Variants in EFCAB6 observed in about 807,000 individuals in gnomAD.
The protein encoded by EFCAB6 is EF-hand calcium-binding domain-containing protein 6.
In EFCAB6, 156 loss-of-function variants were observed where a neutral mutation model predicts 169.8. The ratio of observed to expected loss-of-function variants is 0.92; its 90% CI spans 0.81 to 1.05. EFCAB6 has a LOEUF of 1.05. Among genes scored for constraint, EFCAB6 ranks in the 50% least tolerant of loss-of-function variants. The pLI, the probability that EFCAB6 is intolerant of heterozygous loss-of-function variation, is 0.00. For missense variants in EFCAB6, 1,800 were observed against 1,829.1 expected (o/e 0.98, Z 0.29); for synonymous variants, 698 against 676.4 (o/e 1.03, Z -0.50).
chr22:43,622,476 G>C (rs188529934), intron 20 of EFCAB6, among the ~76,000 whole-genome samples: 7 of 152,264 alleles, frequency 4.6e-5, no homozygotes, highest in Admixed American at 2.0e-4. Flanking sequence ...TGAGGCAGGA[G>C]AATCGCTTGA....
At chr22:43,721,296 T>C (rs952055473) in intron 8 of EFCAB6, among the ~76,000 whole-genome samples, 9 of 152,174 alleles carry the variant, frequency 5.9e-5, no homozygotes, top group Non-Finnish European at 1.0e-4. Context: ...AAAATGGCCA[T>C]ACTGCCCAAA....
At position 43,543,975 on chromosome 22, in the gene EFCAB6, G is replaced by A. The variant is rs114962173; in HGVS notation, c.3649-3618C>T. Among the ~76,000 whole-genome samples, 934 of 151,350 alleles carry A rather than the reference G, an allele frequency of 6.2e-3. 15 individuals carry two copies. Among genetic ancestry groups the A allele is most frequent in the African/African-American group, 0.022 (893 of 41,218 alleles). On this transcript the variant is annotated intron_variant, in intron 27 of 31. Transcript: ENST00000262726. ...CCCTCCTCCTTGAGACCAGCTCTAC[G>A]TCCACCCACCACTCTGTTTTACCCT...
chr22:43,540,103 C>T, intron 28 of EFCAB6, 24 bp downstream of exon 28: 2 of 1,611,322 alleles, frequency 1.2e-6, no homozygotes, highest in South Asian at 1.1e-5. Flanking sequence ...AGGCCTGGGA[C>T]ACCTGGCAGG....
intron 2 of EFCAB6, among the ~76,000 whole-genome samples, chr22:43,801,546 A>G (rs192377198): frequency 3.3e-5 from 5 of 152,354 alleles, no homozygotes; most frequent in Admixed American, 3.3e-4. Context: ...TAGGTAATAT[A>G]AAAGTATGTA....
At chr22:43,631,348 T>C (rs2054927486) in intron 19 of EFCAB6, among the ~76,000 whole-genome samples, 1 of 151,958 alleles carries the variant, frequency 6.6e-6, no homozygotes. Context: ...GCCTCTATGT[T>C]TGAATGGCTG....
chr22:43,717,275 T>A (rs1032272045), intron 8 of EFCAB6, among the ~76,000 whole-genome samples: 14 of 151,848 alleles, frequency 9.2e-5, no homozygotes, highest in African/African-American at 3.4e-4. Context: ...TACTACATAA[T>A]CTTTGTGTGA....
intron 12 of EFCAB6, among the ~76,000 whole-genome samples, 166 bp from the exon 13 acceptor site, chr22:43,678,329 CTGTGTG>C (rs137787): frequency 0.069 from 9,953 of 144,292 alleles, 386 homozygotes; most frequent in African/African-American, 0.11. Context: ...AACATGAGCA[CTGTGTG>C]TGTGTGTGTG....
intron 27 of EFCAB6, among the ~76,000 whole-genome samples, chr22:43,545,491 G>T (rs565161589): frequency 6.6e-6 from 1 of 152,210 alleles, no homozygotes; most frequent in Non-Finnish European, 1.5e-5. Context: ...AAGGGCCAAG[G>T]AAAGCTGCTA....
At chr22:43,555,627 C>T (rs571730130) in intron 26 of EFCAB6, among the ~76,000 whole-genome samples, 5 of 152,312 alleles carry the variant, frequency 3.3e-5, no homozygotes, top group African/African-American at 1.2e-4. Context: ...CTTTGTGAGA[C>T]CCACAGGGAC....
intron 17 of EFCAB6, among the ~76,000 whole-genome samples, chr22:43,663,053 A>G (rs554907141): frequency 5.9e-5 from 9 of 152,240 alleles, no homozygotes; most frequent in Non-Finnish European, 4.4e-5. Context: ...GCTTCCTGTG[A>G]GGAGCAGAAA....
At chr22:43,680,137 G>C (rs913867913) in intron 12 of EFCAB6, among the ~76,000 whole-genome samples, 1 of 152,164 alleles carries the variant, frequency 6.6e-6, no homozygotes, top group African/African-American at 2.4e-5. Flanking sequence ...TTTGTGTATG[G>C]TGTAAGAGGT....
chr22:43,683,859 C>T lies in EFCAB6; in HGVS notation c.1143-4G>A, dbSNP rs1369442392. On this transcript the variant is annotated splice_region_variant and splice_polypyrimidine_tract_variant and intron_variant, in intron 11 of 31. Coordinates refer to ENST00000262726, the MANE Select transcript of EFCAB6 (RefSeq NM_022785.4). ...AGATTCATTTCTAGAGTTGATGCTACAAGAGGATTAGGAGAAAAGCAGGAA... is the reference window on the plus strand; with the variant it reads ...AGATTCATTTCTAGAGTTGATGCTATAAGAGGATTAGGAGAAAAGCAGGAA... The T allele has an allele frequency of 8.8e-6, 14 of 1,597,082 alleles. No individual in the cohort carries two copies. The African/African-American group carries it at 1.5e-4, about 17-fold the overall frequency.
At chr22:43,722,509 G>A (rs2059571682) in intron 8 of EFCAB6, among the ~76,000 whole-genome samples, 1 of 140,884 alleles carries the variant, frequency 7.1e-6, no homozygotes, top group Admixed American at 7.5e-5. Flanking sequence ...CCAGCCTGAT[G>A]AAAGAGTGAG....
intron 24 of EFCAB6, among the ~76,000 whole-genome samples, chr22:43,587,079 T>C (rs1194011678): frequency 6.6e-6 from 1 of 152,108 alleles, no homozygotes; most frequent in East Asian, 1.9e-4. Flanking sequence ...ACTGATGATA[T>C]CAGGTATATC....
chr22:43,632,557 C>T lies in EFCAB6; in HGVS notation c.2099-319G>A, dbSNP rs1173869887. ...TCAGGTGATCCGCCCGCCTCAGCCT[C>T]CCAAAGTGCTGGGATTATAGGCGTG... On this transcript the variant is annotated intron_variant, in intron 18 of 31. Coordinates refer to ENST00000262726, the MANE Select transcript of EFCAB6 (RefSeq NM_022785.4). Among the ~76,000 whole-genome samples the T allele has an allele frequency of 2.0e-5, 3 of 152,344 alleles. No homozygotes were observed. The South Asian group carries it at 6.2e-4, about 32-fold the overall frequency.
intron 13 of EFCAB6, among the ~76,000 whole-genome samples, chr22:43,675,423 A>AATATAATATAGGATTTATAAT (rs1452701331): frequency 8.0e-6 from 1 of 124,454 alleles, no homozygotes; most frequent in African/African-American, 2.9e-5. Context: ...TATAATATAT[A>AATATAATATAGGATTTATAAT]ATATAATATA....
chr22:43,771,064 TAC>T (rs2061453867), intron 4 of EFCAB6, among the ~76,000 whole-genome samples: 1 of 152,194 alleles, frequency 6.6e-6, no homozygotes, highest in Non-Finnish European at 1.5e-5. Context: ...TGGGTTGTAG[TAC>T]ACAGCAAATT....
chr22:43,700,806 T>C (rs1173105225), intron 10 of EFCAB6, among the ~76,000 whole-genome samples: 1 of 152,222 alleles, frequency 6.6e-6, no homozygotes, highest in Non-Finnish European at 1.5e-5. Context: ...GGCTTATTCC[T>C]TTTTATTGAT....
At position 43,557,162 on chromosome 22, in the gene EFCAB6, G is replaced by A. The variant is rs369548388; in HGVS notation, c.3421-2066C>T. ...CTGAGTCTAGACTCTGCCCCTACCC[G>A]GCTGTGTGCCCCTCCAGTAAGTTGC... On this transcript the variant is annotated intron_variant, in intron 26 of 31. Coordinates refer to ENST00000262726, the MANE Select transcript of EFCAB6 (RefSeq NM_022785.4). Among the ~76,000 whole-genome samples, 8 of 152,244 alleles carry A rather than the reference G, an allele frequency of 5.3e-5. No homozygotes were observed. The East Asian group carries it at 1.2e-3, about 22-fold the overall frequency.
Sources: allele counts gnomAD v4.1 joint callset (sites outside exome capture counted in the v4.1 genomes callset), GRCh38; gene constraint gnomAD v4.1.1; transcripts MANE v1.5; gene names NCBI Gene and HGNC (gene_info 2026-07-23, HGNC 2026-07-21).